The following JAK2 variants were observed in gnomAD, a reference collection of about 807,000 sequenced individuals.
The protein encoded by JAK2 is tyrosine-protein kinase JAK2.
In JAK2, 86 loss-of-function variants were observed where a neutral mutation model predicts 139.3. The observed-to-expected ratio is 0.62, with a 90% CI of 0.52 to 0.74. JAK2 has a LOEUF of 0.74. JAK2 is among the 30% of genes least tolerant of loss of function. JAK2 has a pLI of 0.00. For synonymous variants in JAK2, 490 were observed against 437.7 expected (o/e 1.12, Z -1.49); for missense variants, 1,421 against 1,360.3 (o/e 1.04, Z -0.70).
At chr9:5,106,970 T>A (rs1309483143) in intron 22 of JAK2, among the ~76,000 whole-genome samples, 1 of 152,158 alleles carries the variant, frequency 6.6e-6, no homozygotes, top group African/African-American at 2.4e-5. Context: ...ACATGGCACA[T>A]GTATATCTAT....
At chr9:5,105,398 C>A (rs1299780410) in intron 22 of JAK2, among the ~76,000 whole-genome samples, 1 of 152,158 alleles carries the variant, frequency 6.6e-6, no homozygotes, top group East Asian at 1.9e-4. Flanking sequence ...CAAACCACTG[C>A]TCAATGAAAT....
At chr9:5,059,868 G>A (rs1818032582) in intron 8 of JAK2, among the ~76,000 whole-genome samples, 1 of 152,106 alleles carries the variant, frequency 6.6e-6, no homozygotes. Context: ...GCCTGTGACA[G>A]TCTTTTGCAC....
rs76245407 is a variant in JAK2, at chr9:5,014,943, G to A, written c.-25-7020G>A. Among the ~76,000 whole-genome samples, 724 of 151,480 alleles carry A rather than the reference G, an allele frequency of 4.8e-3. 1 individual carries two copies. Among genetic ancestry groups the A allele is most frequent in the Non-Finnish European group, 7.3e-3 (497 of 67,886 alleles). On this transcript the variant is annotated intron_variant, in intron 2 of 24. Transcript: ENST00000381652. ...TTTTTTATTTTTTTTTTGCGGGGGC[G>A]GGGGGAGATTTGTTTAACACATGTA...
At chr9:5,081,957 G>A in intron 19 of JAK2, 96 bp downstream of exon 19, 1 of 1,020,444 alleles carries the variant, frequency 9.8e-7, no homozygotes, top group Non-Finnish European at 1.5e-6. Flanking sequence ...ACATTTTAAG[G>A]AGTGCTTGTA....
At position 5,037,369 on chromosome 9, in the gene JAK2, A is replaced by T. The variant is rs1335984487; in HGVS notation, c.351-7034A>T. 2.0e-5 allele frequency among the ~76,000 whole-genome samples: 3 copies of T among 152,228 alleles called. No individual in the cohort carries two copies. The East Asian group carries it at 5.8e-4, about 29-fold the overall frequency. On this transcript the variant is annotated intron_variant, in intron 4 of 24. Coordinates refer to ENST00000381652, the MANE Select transcript of JAK2 (RefSeq NM_004972.4). ...ATCCCATTACTGGGTATATACCCAAAGGATTATAAATCATGCTGCTATAAA... is the reference window on the plus strand; with the variant it reads ...ATCCCATTACTGGGTATATACCCAATGGATTATAAATCATGCTGCTATAAA...
chr9:5,071,042 C>T (rs894381248), intron 12 of JAK2, among the ~76,000 whole-genome samples: 27 of 152,232 alleles, frequency 1.8e-4, no homozygotes, highest in African/African-American at 6.0e-4. Context: ...TTTTTAACTG[C>T]GCTTCTGGTG....
At chr9:5,072,357 A>C (rs1819011341) in intron 12 of JAK2, 135 bp from the exon 13 acceptor site, 1 of 567,218 alleles carries the variant, frequency 1.8e-6, no homozygotes, top group South Asian at 3.7e-5. Flanking sequence ...TTGGAGTCTT[A>C]AATCTGGATT....
In JAK2 at chr9:5,069,700, A is replaced by G. The variant is rs564547698; in HGVS notation, c.1514-225A>G. On this transcript the variant is annotated intron_variant, in intron 11 of 24. Coordinates refer to ENST00000381652, the MANE Select transcript of JAK2 (RefSeq NM_004972.4). ...AGGAATACATCAAAATCCAAATTAC[A>G]TTAGTTAAGGAAGTGATTATAATTT... is the stretch of plus-strand genomic sequence containing the variant. Among the ~76,000 whole-genome samples the G allele has an allele frequency of 9.4e-4, 143 of 152,274 alleles. 1 individual carries two copies. Among genetic ancestry groups the G allele is most frequent in the South Asian group, 8.5e-3 (41 of 4,828 alleles).
intron 5 of JAK2, among the ~76,000 whole-genome samples, chr9:5,048,956 G>T (rs1285314879): frequency 2.0e-5 from 3 of 152,012 alleles, no homozygotes; most frequent in Non-Finnish European, 2.9e-5. Flanking sequence ...TTGTACTTCT[G>T]CTTTCTTTTT....
Position 5,089,868 on chromosome 9 carries a change from G to C in JAK2, c.2761+5G>C. The C allele has an allele frequency of 6.9e-7, 1 of 1,455,484 alleles. No homozygotes were observed. 90.2% of individuals were successfully genotyped at this position (1,455,484 alleles called of 1,614,324 possible). ...AGGGAGTGTGCTACAGTGCTGGTAA[G>C]CTGCCCATTGAAACCTATTTTAAAT... is the stretch of plus-strand genomic sequence containing the variant. On this transcript the variant is annotated splice_donor_5th_base_variant and intron_variant, in intron 20 of 24. Coordinates refer to ENST00000381652, the MANE Select transcript of JAK2 (RefSeq NM_004972.4).
chr9:5,123,772 T>C (rs1001064510), intron 23 of JAK2, among the ~76,000 whole-genome samples: 2 of 151,988 alleles, frequency 1.3e-5, no homozygotes, highest in African/African-American at 4.8e-5. Context: ...TCACCAACAG[T>C]GTATAAGAGT....
chr9:5,076,535 T>C (rs1302569992), intron 14 of JAK2, among the ~76,000 whole-genome samples: 1 of 152,172 alleles, frequency 6.6e-6, no homozygotes, highest in Non-Finnish European at 1.5e-5. Flanking sequence ...TTTGTTTTTT[T>C]TAAGATATAA....
intron 8 of JAK2, among the ~76,000 whole-genome samples, chr9:5,056,618 A>G (rs1250205124): frequency 2.6e-5 from 4 of 152,110 alleles, no homozygotes; most frequent in Non-Finnish European, 5.9e-5. Flanking sequence ...TAAGGATCAT[A>G]TTTTTATGTG....
In JAK2 at chr9:5,070,062, T is replaced by A. The variant is rs1199247235; in HGVS notation, c.1641+10T>A. 3 of 1,585,744 alleles carry A rather than the reference T, an allele frequency of 1.9e-6. No individual in the cohort carries two copies. The highest frequency in any genetic ancestry group is 2.6e-6 in the Non-Finnish European group (3 of 1,161,744). ...TGAAGATTTGATATTTGTAAGTCAT[T>A]AGATACTCATTACTGTCTTTTTTGT... On this transcript the variant is annotated intron_variant, in intron 12 of 24. Transcript: ENST00000381652.
At chr9:5,027,998 T>C (rs1022508259) in intron 3 of JAK2, among the ~76,000 whole-genome samples, 1 of 152,180 alleles carries the variant, frequency 6.6e-6, no homozygotes, top group African/African-American at 2.4e-5. Context: ...AATGTTGACA[T>C]TTTGACCTCC....
chr9:5,029,791 C>A lies in JAK2; in HGVS notation c.235C>A (p.Pro79Thr). 6.2e-7 allele frequency: 1 copy of A among 1,609,406 alleles called. No homozygotes were observed. Among genetic ancestry groups the A allele is most frequent in the Non-Finnish European group, 8.5e-7 (1 of 1,177,234 alleles). Reference sequence around the variant, plus strand: ...CTCTGCTTCTTTTCTAGGTATCACACCTGTGTATCATAATATGTTTGCTTT... The same window carrying A: ...CTCTGCTTCTTTTCTAGGTATCACAACTGTGTATCATAATATGTTTGCTTT... The part of the protein sequence containing the change: ...IAASKACGIT[P>T]VYHNMFALMS... The change falls in exon 4 of 25, where the codon CCT (proline) becomes ACT (threonine). Residue 79 changes from proline to threonine, a missense_variant. Transcript: ENST00000381652.
rs920992824 is a variant in JAK2, at chr9:5,054,677, C to T, written c.729C>T (p.Cys243=). The T allele has an allele frequency of 3.1e-6, 5 of 1,613,194 alleles. No individual in the cohort carries two copies. The highest frequency in any genetic ancestry group is 4.2e-6 in the Non-Finnish European group (5 of 1,179,402). The part of the protein sequence containing the change: ...FRRFIQQFSQ[C]KATARNLKLK... ...GATTTATTCAGCAATTCAGCCAATG[C>T]AAAGCCACTGCCAGAAACTTGAAAC... Residue 243 remains cysteine (C), a synonymous_variant, in exon 7 of 25, where the codon TGC becomes TGT. Transcript: ENST00000381652. This position sits in a 1 kb window ranked among gnomAD's most constrained non-coding sequence, Gnocchi z 4.9.
chr9:5,124,481 C>T (rs144764409), intron 23 of JAK2, among the ~76,000 whole-genome samples: 5 of 151,652 alleles, frequency 3.3e-5, no homozygotes, highest in South Asian at 2.1e-4. Context: ...TCCCATACTG[C>T]GCAAAGCAAT....
intron 2 of JAK2, 114 bp downstream of exon 2, chr9:4,986,136 C>G (rs1383393827): frequency 1.3e-5 from 2 of 152,346 alleles, no homozygotes; most frequent in Non-Finnish European, 2.9e-5. Flanking sequence ...TTGTTGCTTA[C>G]TCTTCTGAAA....
Sources: allele counts gnomAD v4.1 joint callset (sites outside exome capture counted in the v4.1 genomes callset), GRCh38; gene constraint gnomAD v4.1.1; non-coding constraint Gnocchi (gnomAD v3.1); transcripts MANE v1.5; gene names NCBI Gene and HGNC (gene_info 2026-07-23, HGNC 2026-07-21).